Variants in TNRC18 observed in about 807,000 individuals in gnomAD.
TNRC18 encodes the protein trinucleotide repeat-containing gene 18 protein.
In TNRC18, 69 loss-of-function variants were observed where a neutral mutation model predicts 226.7. That is an observed-to-expected ratio of 0.30 (90% CI 0.25 to 0.37). TNRC18 has a LOEUF of 0.37. TNRC18 is among the 10% of genes least tolerant of loss of function. The pLI is 1.00. For synonymous variants in TNRC18, 2,449 were observed against 1,927.6 expected (o/e 1.27, Z -7.09); for missense variants, 4,754 against 4,256.6 (o/e 1.12, Z -3.25).
intron 27 of TNRC18, among the ~76,000 whole-genome samples, chr7:5,310,807 T>C (rs1334906731): frequency 2.0e-5 from 3 of 152,228 alleles, no homozygotes; most frequent in Non-Finnish European, 2.9e-5. Context: ...CTACAGCACG[T>C]TGGGGGCTCC....
intron 2 of TNRC18, among the ~76,000 whole-genome samples, chr7:5,397,228 G>A (rs899450364): frequency 1.2e-4 from 18 of 152,186 alleles, no homozygotes; most frequent in Non-Finnish European, 2.5e-4. Context: ...CTGAGCCCCG[G>A]GCTTCCGCCT....
intron 1 of TNRC18, among the ~76,000 whole-genome samples, chr7:5,422,264 T>TG: frequency 6.6e-6 from 1 of 152,000 alleles, no homozygotes; most frequent in Admixed American, 6.5e-5. Context: ...TGGCCTGGCG[T>TG]GGGGGATTTG....
intron 10 of TNRC18, 59 bp from the exon 11 acceptor site, chr7:5,371,423 C>T (rs1363226072): frequency 2.2e-5 from 32 of 1,445,010 alleles, no homozygotes; most frequent in Non-Finnish European, 2.8e-5. Flanking sequence ...CATGTCCCCA[C>T]TGACACCCGC....
intron 10 of TNRC18, 51 bp downstream of exon 10, chr7:5,374,004 T>G: frequency 2.2e-6 from 3 of 1,382,182 alleles, no homozygotes; most frequent in Middle Eastern, 2.7e-4. Flanking sequence ...ATGAGCAGTT[T>G]TACCGCTCCA....
chr7:5,359,306 C>G, intron 15 of TNRC18, 92 bp downstream of exon 15: 21 of 1,347,570 alleles, frequency 1.6e-5, no homozygotes, highest in Non-Finnish European at 2.2e-5. Context: ...TGTACAGGAA[C>G]AAAGGGCCTG....
At position 5,370,429 on chromosome 7, in the gene TNRC18, G is replaced by A; in HGVS notation, c.4165C>T (p.Leu1389=). Residue 1389 remains leucine, a synonymous_variant, in exon 11 of 30, where the codon CTG becomes TTG. Coordinates refer to ENST00000430969, the MANE Select transcript of TNRC18 (RefSeq NM_001080495.3). ...LEQSFLHGIT[L]LSEIAELELE... Reference sequence around the variant, plus strand: ...TCCAGCTCTGCGATCTCACTTAGCAGGGTGATGCCATGCAGGAAGCTCTGC... The same window carrying A: ...TCCAGCTCTGCGATCTCACTTAGCAAGGTGATGCCATGCAGGAAGCTCTGC... 4 of 1,556,000 alleles carry A rather than the reference G, an allele frequency of 2.6e-6. No individual in the cohort carries two copies. The highest frequency in any genetic ancestry group is 3.5e-6 in the Non-Finnish European group (4 of 1,149,336).
chr7:5,422,903 T>A (rs2128227135), intron 1 of TNRC18: 1 of 152,230 alleles, frequency 6.6e-6, no homozygotes, highest in East Asian at 1.9e-4. Context: ...TTGTAAGAGA[T>A]TCTTTGGGTA....
Position 5,371,060 on chromosome 7 carries a change from C to G in TNRC18, c.3534G>C (p.Pro1178=). Residue 1178 remains proline, a synonymous_variant, in exon 11 of 30, where the codon CCG becomes CCC. Coordinates refer to ENST00000430969, the MANE Select transcript of TNRC18 (RefSeq NM_001080495.3). Reference sequence around the variant, plus strand: ...TGGCTTCCGCGGCGGGCAGTGGCAGCGGCGACTCCAGAGGCGGCAGCTCTG... The same window carrying G: ...TGGCTTCCGCGGCGGGCAGTGGCAGGGGCGACTCCAGAGGCGGCAGCTCTG... ...GPTELPPLES[P]LPLPAAEAMA... 1 of 1,610,868 alleles carries G rather than the reference C, an allele frequency of 6.2e-7. No homozygotes were observed. Among genetic ancestry groups the G allele is most frequent in the Non-Finnish European group, 8.5e-7 (1 of 1,179,650 alleles).
chr7:5,421,344 G>GGCGGCGGGGGCTCC lies in TNRC18; in HGVS notation c.-112_-99dup. ...CCTCGGCGTAGTCCCAGAGTCCTCG[G>GGCGGCGGGGGCTCC]GCGGCGGGGGCTCCGCGGCGTGCAT... is the stretch of plus-strand genomic sequence containing the variant. On this transcript the variant is annotated 5_prime_UTR_variant, in exon 2 of 30. The change abolishes the stop of an existing upstream ORF in the 5' untranslated region. Coordinates refer to ENST00000430969, the MANE Select transcript of TNRC18 (RefSeq NM_001080495.3). 1.8e-6 allele frequency: 2 copies of GGCGGCGGGGGCTCC among 1,117,516 alleles called. No individual in the cohort carries two copies. The highest frequency in any genetic ancestry group is 2.3e-6 in the Non-Finnish European group (2 of 887,878). 69.2% of individuals were successfully genotyped at this position (1,117,516 alleles called of 1,614,324 possible). A position where few individuals can be genotyped will look rare whatever the true frequency, so the allele number is the denominator to read the frequency against.
Position 5,357,028 on chromosome 7 carries a change from A to G in TNRC18, c.5082T>C (p.Gly1694=). Residue 1694 remains glycine, a synonymous_variant, in exon 16 of 30, where the codon GGT becomes GGC. Coordinates refer to ENST00000430969, the MANE Select transcript of TNRC18 (RefSeq NM_001080495.3). ...TGGTTTTGGCTGCCCTTTTGTGTTT[A>G]CCTTCTCTGGAGGATTTCAGAGACA... ...LGLSLKSSRE[G]KHKRAAKTRK... is the part of the protein sequence containing the mutation. 1 of 1,552,068 alleles carries G rather than the reference A, an allele frequency of 6.4e-7. No individual in the cohort carries two copies. Among genetic ancestry groups the G allele is most frequent in the Non-Finnish European group, 8.7e-7 (1 of 1,147,064 alleles).
rs369641573 is a variant in TNRC18 at position 5,378,053 on chromosome 7, C to G, written c.2153-29G>C. 4 of 1,586,654 alleles carry G rather than the reference C, an allele frequency of 2.5e-6. No individual in the cohort carries two copies. In the African/African-American group the frequency reaches 4.0e-5, roughly 16 times the overall value. ...CAGGGGGCCAGGTGGAAGTGAGCCC[C>G]CAGCCAGCACCGAGCCCATCCCAGA... On this transcript the variant is annotated intron_variant, in intron 5 of 29. Coordinates refer to ENST00000430969, the MANE Select transcript of TNRC18 (RefSeq NM_001080495.3).
chr7:5,390,072 A>T (rs959354449), intron 4 of TNRC18: 23 of 291,030 alleles, frequency 7.9e-5, no homozygotes, highest in African/African-American at 5.0e-4. Flanking sequence ...CTCAGGTCTC[A>T]AAAAAGCATC....
At chr7:5,387,200 C>T (rs532845592) in intron 5 of TNRC18, among the ~76,000 whole-genome samples, 8 of 152,304 alleles carry the variant, frequency 5.3e-5, no homozygotes, top group East Asian at 3.9e-4. Context: ...GTATCAAGAC[C>T]GTGAGGATGT....
chr7:5,392,411 C>T (rs1360464749), intron 3 of TNRC18, among the ~76,000 whole-genome samples: 1 of 151,968 alleles, frequency 6.6e-6, no homozygotes, highest in Non-Finnish European at 1.5e-5. Context: ...TGCAGTGAAC[C>T]GAGATCAGCC....
Position 5,388,966 on chromosome 7 carries a change from G to T in TNRC18, c.858C>A (p.Gly286=). The T allele has an allele frequency of 7.2e-7, 1 of 1,388,886 alleles. No homozygotes were observed. The highest frequency in any genetic ancestry group is 9.4e-7 in the Non-Finnish European group (1 of 1,066,148). 86.0% of individuals were successfully genotyped at this position (1,388,886 alleles called of 1,614,324 possible). The change falls in exon 5 of 30, where the codon GGC becomes GGA. Residue 286 remains glycine, a synonymous_variant. Coordinates refer to ENST00000430969, the MANE Select transcript of TNRC18 (RefSeq NM_001080495.3). ...CGGGCAGCCCCACGTCCCCGGCGCC[G>T]CCGTTGCACATGGTCAGTACCGACG... The part of the protein sequence containing the change: ...LQPSVLTMCN[G]GAGDVGLPAL...
intron 19 of TNRC18, 179 bp from the exon 20 acceptor site, chr7:5,325,427 TG>T (rs1562494571): frequency 5.4e-4 from 351 of 655,408 alleles, no homozygotes; most frequent in Non-Finnish European, 6.7e-4. Flanking sequence ...GGTTTTTTTT[TG>T]TTTTTTTTTT....
chr7:5,348,642 G>A (rs1170118741), intron 17 of TNRC18, among the ~76,000 whole-genome samples: 3 of 150,144 alleles, frequency 2.0e-5, no homozygotes, highest in Admixed American at 6.6e-5. Flanking sequence ...AGTCCGCAGA[G>A]GAGTAGAGGG....
rs541560490 is a variant in TNRC18 at position 5,363,560 on chromosome 7, C to T, written c.4220-735G>A. On this transcript the variant is annotated intron_variant, in intron 11 of 29. Transcript: ENST00000430969. ...CGGAGCTTGCAGTAAGCCGAGATGG[C>T]GCCACTGCACTCCAGCCTGGGTGAC... 1.3e-3 allele frequency among the ~76,000 whole-genome samples: 192 copies of T among 152,170 alleles called. 1 individual carries two copies. The highest frequency in any genetic ancestry group is 4.4e-3 in the African/African-American group (181 of 41,524).
At chr7:5,352,325 G>A (rs1286101500) in intron 16 of TNRC18, among the ~76,000 whole-genome samples, 1 of 152,108 alleles carries the variant, frequency 6.6e-6, no homozygotes, top group African/African-American at 2.4e-5. Context: ...TCTTCCGAGT[G>A]CTGGACCCAG....
Sources: allele counts gnomAD v4.1 joint callset (sites outside exome capture counted in the v4.1 genomes callset), GRCh38; gene constraint gnomAD v4.1.1; transcripts MANE v1.5; gene names NCBI Gene and HGNC (gene_info 2026-07-23, HGNC 2026-07-21).